The following VAV2 variants were observed in gnomAD, a reference collection of about 807,000 sequenced individuals.
VAV2 encodes guanine nucleotide exchange factor VAV2.
In VAV2, 67 loss-of-function variants were observed where a neutral mutation model predicts 132.5. That is an observed-to-expected ratio of 0.51 (90% confidence interval 0.42 to 0.62). The LOEUF is 0.62. Among genes scored for constraint, VAV2 ranks in the 20% least tolerant of loss-of-function variants. The pLI, the probability that VAV2 is intolerant of heterozygous loss-of-function variation, is 0.00. For missense variants in VAV2, 938 were observed against 1,153.6 expected (o/e 0.81, Z 2.71); for synonymous variants, 492 against 443.5 (o/e 1.11, Z -1.37).
chr9:133,871,434 AT>A (rs1292567339), intron 2 of VAV2, among the ~76,000 whole-genome samples: 7 of 146,592 alleles, frequency 4.8e-5, no homozygotes, highest in African/African-American at 1.3e-4. Context: ...AGATGGATGG[AT>A]TGATTGATGG....
chr9:133,789,340 C>T lies in VAV2; in HGVS notation c.1192G>A (p.Val398Met), dbSNP rs1244385929. The T allele has an allele frequency of 3.7e-6, 6 of 1,613,340 alleles. No individual in the cohort carries two copies. The highest frequency in any genetic ancestry group is 3.3e-5 in the Admixed American group (2 of 59,968). ...GGTCTTCCAAATTCCTCCAGTTTCA[C>T]TTGCTGGGAAGAAGGAGAGGGGCCG... ...EFQSSIENLQVKLEEFGRPKI... is the reference protein window; with the variant it reads ...EFQSSIENLQMKLEEFGRPKI... Residue 398 changes from valine to methionine, a missense_variant, in exon 14 of 30, where the codon GTG (valine) becomes ATG (methionine). Coordinates refer to ENST00000371850, the MANE Select transcript of VAV2 (RefSeq NM_001134398.2).
chr9:133,770,403 G>A lies in VAV2; in HGVS notation c.2322C>T (p.Ala774=), dbSNP rs746345941. 2 of 1,614,126 alleles carry A rather than the reference G, an allele frequency of 1.2e-6. No homozygotes were observed. The highest frequency in any genetic ancestry group is 1.7e-6 in the Non-Finnish European group (2 of 1,179,982). Residue 774 remains alanine, a synonymous_variant, in exon 27 of 30, where the codon GCC becomes GCT. Coordinates refer to ENST00000371850, the MANE Select transcript of VAV2 (RefSeq NM_001134398.2). ...KYPYKSRERS[A]SRASSRSPAS... is the part of the protein sequence containing the mutation. Reference sequence around the variant, plus strand: ...CTGGGGACCGGCTGGAGGCCCTGGAGGCCGAACGTTCCCGGGACTTGTAGG... The same window carrying A: ...CTGGGGACCGGCTGGAGGCCCTGGAAGCCGAACGTTCCCGGGACTTGTAGG...
chr9:133,939,728 G>A lies in VAV2; in HGVS notation c.205-509C>T, dbSNP rs144703608. Among the ~76,000 whole-genome samples, 728 of 152,356 alleles carry A rather than the reference G, an allele frequency of 4.8e-3. 4 individuals are homozygous for A. Among genetic ancestry groups the A allele is most frequent in the African/African-American group, 0.017 (687 of 41,580 alleles). ...CACGTGGGCACGTGCACAGGCGTGC[G>A]TACATACACGAGGCTTCTGACAACA... On this transcript the variant is annotated intron_variant, in intron 1 of 29. Transcript: ENST00000371850.
chr9:133,913,140 G>GC (rs759300438), intron 2 of VAV2, among the ~76,000 whole-genome samples: 7 of 152,118 alleles, frequency 4.6e-5, no homozygotes, highest in Non-Finnish European at 7.4e-5. Context: ...TGAGAGGGGC[G>GC]CCCCCAACAC....
intron 1 of VAV2, among the ~76,000 whole-genome samples, chr9:133,957,058 C>G (rs635277): frequency 0.34 from 51,960 of 152,076 alleles, 9,881 homozygotes; most frequent in Non-Finnish European, 0.43. Context: ...GGACTCTCTC[C>G]AACGCCACCA....
In VAV2 at chr9:133,991,600, G is replaced by T. The variant is rs947555038; in HGVS notation, c.204+475C>A. ...CCGGCCCCGAGGGCTCCCGCCCCGC[G>T]CCCCTCCCGGGCCCTCCAGCCGCGC... On this transcript the variant is annotated intron_variant, in intron 1 of 29. Coordinates refer to ENST00000371850, the MANE Select transcript of VAV2 (RefSeq NM_001134398.2). This position sits in a 1 kb window ranked among gnomAD's most constrained non-coding sequence, Gnocchi z 4.8. 2.0e-5 allele frequency among the ~76,000 whole-genome samples: 3 copies of T among 151,540 alleles called. No individual in the cohort carries two copies. Among genetic ancestry groups the T allele is most frequent in the African/African-American group, 7.3e-5 (3 of 41,348 alleles).
chr9:133,937,527 A>C (rs13292473), intron 2 of VAV2, among the ~76,000 whole-genome samples: 1 of 110,506 alleles, frequency 9.0e-6, no homozygotes, highest in Non-Finnish European at 2.1e-5. Context: ...CGCGTGTGAG[A>C]GTGTGTGTGA....
At chr9:133,797,266 G>GA (rs1473306351) in intron 10 of VAV2, among the ~76,000 whole-genome samples, 2 of 151,956 alleles carry the variant, frequency 1.3e-5, no homozygotes, top group Non-Finnish European at 2.9e-5. Flanking sequence ...TGTTACCCGG[G>GA]ACTCCCTGGG....
At chr9:133,916,279 A>C (rs1840086957) in intron 2 of VAV2, among the ~76,000 whole-genome samples, 1 of 152,252 alleles carries the variant, frequency 6.6e-6, no homozygotes, top group African/African-American at 2.4e-5. Flanking sequence ...CTCGATAAGA[A>C]GGAAGAAAGG....
In VAV2 at chr9:133,769,357, G is replaced by A; in HGVS notation, c.2434+60C>T. The A allele has an allele frequency of 6.5e-7, 1 of 1,530,368 alleles. No individual in the cohort carries two copies. Among genetic ancestry groups the A allele is most frequent in the African/African-American group, 1.4e-5 (1 of 72,994 alleles). The allele number at this position is 1,530,368 out of a possible 1,614,324, so 94.8% of individuals were successfully genotyped here. On this transcript the variant is annotated intron_variant, in intron 28 of 29. Coordinates refer to ENST00000371850, the MANE Select transcript of VAV2 (RefSeq NM_001134398.2). This position sits in a 1 kb window ranked among gnomAD's most constrained non-coding sequence, Gnocchi z 8.1. Reference sequence around the variant, plus strand: ...TGGGGCCAGTGGGCAGCTCCGTGCTGGGTCTCCCAAGGCAGCTGCCACAGG... The same window carrying A: ...TGGGGCCAGTGGGCAGCTCCGTGCTAGGTCTCCCAAGGCAGCTGCCACAGG...
chr9:133,916,598 G>C (rs1840100165), intron 2 of VAV2, among the ~76,000 whole-genome samples: 1 of 152,036 alleles, frequency 6.6e-6, no homozygotes, highest in African/African-American at 2.4e-5. Context: ...AAAGGAGGGG[G>C]TGAACAGAGA....
intron 1 of VAV2, among the ~76,000 whole-genome samples, chr9:133,945,132 A>C (rs1841313841): frequency 1.3e-5 from 2 of 152,202 alleles, no homozygotes; most frequent in African/African-American, 4.8e-5. Flanking sequence ...CAAGGATGTA[A>C]CTGAGCTAAC....
intron 2 of VAV2, among the ~76,000 whole-genome samples, chr9:133,931,753 A>G (rs1050939861): frequency 3.3e-5 from 5 of 152,166 alleles, no homozygotes; most frequent in Non-Finnish European, 1.5e-5. Context: ...GTCACAGGAG[A>G]GGACATCAGG....
rs755033891 is a variant in VAV2 at position 133,861,423 on chromosome 9, C to T, written c.331G>A (p.Ala111Thr). ...CTGTGCAGGGAGAGCCTCGACACCG[C>T]GGAGATGACCTGGGGGAGACAAGAA... Reference protein sequence around the residue: ...DVRDFGKVISAVSRLSLHSIA... With the variant: ...DVRDFGKVISTVSRLSLHSIA... Residue 111 changes from alanine to threonine, a missense_variant, in exon 3 of 30, where the codon GCG becomes ACG. By Grantham distance (58) the Ala-to-Thr change is moderately conservative. Transcript: ENST00000371850. The T allele has an allele frequency of 5.6e-5, 91 of 1,613,130 alleles. No homozygotes were observed. Among genetic ancestry groups the T allele is most frequent in the Non-Finnish European group, 6.7e-5 (79 of 1,179,762 alleles).
At chr9:133,845,076 C>T (rs1836877611) in intron 3 of VAV2, among the ~76,000 whole-genome samples, 1 of 152,258 alleles carries the variant, frequency 6.6e-6, no homozygotes, top group South Asian at 2.1e-4. Flanking sequence ...GGGCAGCACA[C>T]AAACGGCTTC....
At chr9:133,904,184 G>GC (rs983876536) in intron 2 of VAV2, among the ~76,000 whole-genome samples, 8 of 152,168 alleles carry the variant, frequency 5.3e-5, no homozygotes, top group Admixed American at 1.3e-4. Flanking sequence ...CAGCCCAAGC[G>GC]CCAGGCTCTC....
chr9:133,787,744 C>T (rs918169081), intron 15 of VAV2, among the ~76,000 whole-genome samples: 3 of 152,056 alleles, frequency 2.0e-5, no homozygotes, highest in African/African-American at 7.2e-5. Flanking sequence ...ACAGCAGCTT[C>T]GGCCCCGTCC....
chr9:133,788,239 C>CCGCCCCCAAAACCGG lies in VAV2; in HGVS notation c.1407+114_1407+115insCCGGTTTTGGGGGCG. Reference sequence around the variant, plus strand: ...GCGGAGACGCCCACCCCAACCCACCCGGCCAGCATCAGCGGCTGACTTCGA... The same window carrying CCGCCCCCAAAACCGG: ...GCGGAGACGCCCACCCCAACCCACCCCGCCCCCAAAACCGGGGCCAGCATCAGCGGCTGACTTCGA... On this transcript the variant is annotated intron_variant, in intron 15 of 29. Transcript: ENST00000371850. This position sits in a 1 kb window ranked among gnomAD's most constrained non-coding sequence, Gnocchi z 5.3. 8.3e-7 allele frequency: 1 copy of CCGCCCCCAAAACCGG among 1,204,926 alleles called. No individual in the cohort carries two copies. The highest frequency in any genetic ancestry group is 1.2e-6 in the Non-Finnish European group (1 of 859,296). 74.6% of individuals were successfully genotyped at this position (1,204,926 alleles called of 1,614,324 possible).
In VAV2 at chr9:133,928,118, C is replaced by T. The variant is rs960273556; in HGVS notation, c.321+10985G>A. On this transcript the variant is annotated intron_variant, in intron 2 of 29. Coordinates refer to ENST00000371850, the MANE Select transcript of VAV2 (RefSeq NM_001134398.2). The surrounding 1 kb of genome is among the most constrained non-coding windows in gnomAD (Gnocchi z 5.4). The stretch of plus-strand genomic sequence containing the variant: ...GAAAGGAAAGCAGAGAAAAACCTCT[C>T]CCATCCCCAGTTATAAAACGGCGGG... Among the ~76,000 whole-genome samples the T allele has an allele frequency of 1.3e-4, 20 of 152,136 alleles. No homozygotes were observed. The highest frequency in any genetic ancestry group is 4.3e-4 in the African/African-American group (18 of 41,420).
Sources: allele counts gnomAD v4.1 joint callset (sites outside exome capture counted in the v4.1 genomes callset), GRCh38; gene constraint gnomAD v4.1.1; non-coding constraint Gnocchi (gnomAD v3.1); transcripts MANE v1.5; gene names NCBI Gene and HGNC (gene_info 2026-07-23, HGNC 2026-07-21).